Variants in SBF2 observed in about 807,000 individuals in gnomAD.
SBF2 encodes myotubularin-related protein 13.
In SBF2, 112 loss-of-function variants were observed where a neutral mutation model predicts 225.2. The observed-to-expected ratio is 0.50, with a 90% CI of 0.43 to 0.58. SBF2 has a LOEUF of 0.58. Among genes scored for constraint, SBF2 ranks in the 20% least tolerant of loss-of-function variants. The pLI is 0.00. For synonymous variants in SBF2, 763 were observed against 773.3 expected (o/e 0.99, Z 0.22); for missense variants, 1,996 against 2,206.2 (o/e 0.90, Z 1.91).
At chr11:10,022,436 A>C (rs552087738) in intron 6 of SBF2, among the ~76,000 whole-genome samples, 1 of 152,292 alleles carries the variant, frequency 6.6e-6, no homozygotes, top group East Asian at 1.9e-4. Flanking sequence ...GGACATAAAT[A>C]ATTTTACAAG....
At chr11:9,864,917 A>T (rs1256288231) in intron 17 of SBF2, among the ~76,000 whole-genome samples, 16 of 149,062 alleles carry the variant, frequency 1.1e-4, no homozygotes, top group Non-Finnish European at 1.6e-4. Context: ...GTTTTTATTT[A>T]TTTTTTTTTT....
intron 1 of SBF2, among the ~76,000 whole-genome samples, chr11:10,267,586 T>A (rs1345361743): frequency 6.6e-6 from 1 of 151,890 alleles, no homozygotes; most frequent in Non-Finnish European, 1.5e-5. Flanking sequence ...CATGCTGCAT[T>A]TTCTTTTCTT....
At chr11:9,846,400 C>A (rs1025602774) in intron 23 of SBF2, among the ~76,000 whole-genome samples, 1 of 152,142 alleles carries the variant, frequency 6.6e-6, no homozygotes, top group African/African-American at 2.4e-5. Context: ...AATTTAAGAA[C>A]AGGAAAAACT....
At chr11:10,251,626 C>T (rs1188260482) in intron 1 of SBF2, among the ~76,000 whole-genome samples, 2 of 152,176 alleles carry the variant, frequency 1.3e-5, no homozygotes, top group Non-Finnish European at 2.9e-5. Context: ...TATGGGGACT[C>T]TGGATAAGGA....
rs371836591 is a variant in SBF2, at chr11:10,059,429, A to G, written c.142-16448T>C. On this transcript the variant is annotated intron_variant, in intron 2 of 39. Transcript: ENST00000256190. ...AGACAAGAAATAGCAATACATAATG[A>G]TAAAGGGTTCAATTCAACAAGAAGA... is the stretch of plus-strand genomic sequence containing the variant. Among the ~76,000 whole-genome samples the G allele has an allele frequency of 4.4e-4, 67 of 152,318 alleles. 2 individuals carry two copies. The South Asian group carries it at 0.013, about 30-fold the overall frequency.
rs138473932 is a variant in SBF2 at position 10,047,630 on chromosome 11, T to C, written c.142-4649A>G. ...CATTTTCCTCTTTTGTACAGACGTT[T>C]TCCAAAACTAGCTCCTCCTTTCACT... On this transcript the variant is annotated intron_variant, in intron 2 of 39. Coordinates refer to ENST00000256190, the MANE Select transcript of SBF2 (RefSeq NM_030962.4). Among the ~76,000 whole-genome samples the C allele has an allele frequency of 2.4e-4, 37 of 152,238 alleles. No homozygotes were observed. The East Asian group carries it at 6.6e-3, about 27-fold the overall frequency.
At chr11:10,237,926 T>C (rs140886721) in intron 1 of SBF2, among the ~76,000 whole-genome samples, 2 of 152,210 alleles carry the variant, frequency 1.3e-5, no homozygotes, top group African/African-American at 4.8e-5. Context: ...AAGTTGTTGA[T>C]CCATTAATCC....
chr11:9,977,912 T>C (rs1423943008), intron 13 of SBF2, among the ~76,000 whole-genome samples: 1 of 152,110 alleles, frequency 6.6e-6, no homozygotes, highest in Non-Finnish European at 1.5e-5. Flanking sequence ...AATTAAGGTG[T>C]ATTTTTGAGG....
At chr11:9,867,726 T>C (rs1171503434) in intron 17 of SBF2, among the ~76,000 whole-genome samples, 1 of 152,178 alleles carries the variant, frequency 6.6e-6, no homozygotes, top group African/African-American at 2.4e-5. Context: ...GCAACATGGA[T>C]GGAACTGGAG....
chr11:9,787,091 TCA>T (rs1852423767), intron 36 of SBF2, among the ~76,000 whole-genome samples: 2 of 152,128 alleles, frequency 1.3e-5, no homozygotes, highest in South Asian at 4.1e-4. Flanking sequence ...AGACGGGGTT[TCA>T]CCATGTTGGC....
chr11:10,126,549 T>C (rs1363744304), intron 2 of SBF2, among the ~76,000 whole-genome samples: 1 of 152,046 alleles, frequency 6.6e-6, no homozygotes, highest in Admixed American at 6.5e-5. Flanking sequence ...TAATATATAA[T>C]ACATGCAGGA....
At chr11:10,111,833 C>T (rs542264520) in intron 2 of SBF2, among the ~76,000 whole-genome samples, 1 of 152,344 alleles carries the variant, frequency 6.6e-6, no homozygotes, top group Non-Finnish European at 1.5e-5. Context: ...GCTGAGTTCA[C>T]ACCACTTCAC....
chr11:10,053,857 G>T (rs989939312), intron 2 of SBF2, among the ~76,000 whole-genome samples: 1 of 151,750 alleles, frequency 6.6e-6, no homozygotes, highest in Non-Finnish European at 1.5e-5. Flanking sequence ...GAGGTTGAGG[G>T]TGCAGAGAGC....
At chr11:9,961,829 G>C (rs1866588267) in intron 16 of SBF2, 128 bp downstream of exon 16, 1 of 716,876 alleles carries the variant, frequency 1.4e-6, no homozygotes, top group African/African-American at 1.8e-5. Context: ...AAATGATAGA[G>C]ATACTGACGC....
chr11:10,249,899 T>C (rs1391775929), intron 1 of SBF2, among the ~76,000 whole-genome samples: 1 of 151,016 alleles, frequency 6.6e-6, no homozygotes, highest in East Asian at 2.0e-4. Flanking sequence ...TTGGAATGCA[T>C]ATGGAATCCC....
At chr11:9,998,440 A>G in intron 8 of SBF2, 61 bp from the exon 9 acceptor site, 1 of 929,584 alleles carries the variant, frequency 1.1e-6, no homozygotes, top group Non-Finnish European at 1.7e-6. Flanking sequence ...TAAGCAAATT[A>G]TTTTTCCCTT....
At chr11:10,289,933 G>A (rs1964056842) in intron 1 of SBF2, among the ~76,000 whole-genome samples, 1 of 152,180 alleles carries the variant, frequency 6.6e-6, no homozygotes, top group Admixed American at 6.5e-5. Flanking sequence ...GGCGGGGGCA[G>A]TACAGTCGGC....
At chr11:10,125,826 CTTT>C (rs993817913) in intron 2 of SBF2, among the ~76,000 whole-genome samples, 1 of 152,220 alleles carries the variant, frequency 6.6e-6, no homozygotes, top group East Asian at 1.9e-4. Context: ...TCAGTCTTTT[CTTT>C]TTTTCCCATA....
At chr11:10,209,343 T>G (rs979587904) in intron 1 of SBF2, among the ~76,000 whole-genome samples, 11 of 151,752 alleles carry the variant, frequency 7.2e-5, no homozygotes, top group African/African-American at 2.7e-4. Context: ...ACTTCCTATC[T>G]GCAACTCAAA....
Sources: allele counts gnomAD v4.1 joint callset (sites outside exome capture counted in the v4.1 genomes callset), GRCh38; gene constraint gnomAD v4.1.1; transcripts MANE v1.5; gene names NCBI Gene and HGNC (gene_info 2026-07-23, HGNC 2026-07-21).